MACF1: variants seen among roughly 807,000 people sequenced by gnomAD.
MACF1 encodes microtubule actin crosslinking factor 1.
A neutral mutation model predicts 854.8 loss-of-function variants in MACF1; 193 were observed. The observed-to-expected ratio is 0.23, with a 90% CI of 0.20 to 0.25. MACF1 has a LOEUF of 0.25. Among genes scored for constraint, MACF1 ranks in the 10% least tolerant of loss-of-function variants. The pLI is 1.00. For synonymous variants in MACF1, 3,185 were observed against 3,226.7 expected, an observed-to-expected ratio of 0.99 and a Z score of 0.44; for missense variants, 7,722 against 8,929.1, an observed-to-expected ratio of 0.86 and a Z score of 5.45.
At position 39,358,757 on chromosome 1, in the gene MACF1, A is replaced by G. The variant is rs1647815867; in HGVS notation, c.12004A>G (p.Ser4002Gly). 1.2e-6 allele frequency: 2 copies of G among 1,614,112 alleles called. No individual in the cohort carries two copies. Among genetic ancestry groups the G allele is most frequent in the Non-Finnish European group, 1.7e-6 (2 of 1,180,008 alleles). Reference sequence around the variant, plus strand: ...AGGCCAGTATCATCAATTCCAAAACAGTGCTGACAGCCTGCAGGCCTGGAT... The same window carrying G: ...AGGCCAGTATCATCAATTCCAAAACGGTGCTGACAGCCTGCAGGCCTGGAT... ...LLGQYHQFQN[S>G]ADSLQAWMQA... The change falls in exon 46 of 101, where the codon AGT (serine) becomes GGT (glycine). Residue 4002 changes from serine (S) to glycine (G), a missense_variant. Coordinates refer to ENST00000564288, the MANE Select transcript of MACF1 (RefSeq NM_001394062.1).
chr1:39,131,839 G>A (rs1643013894), intron 2 of MACF1, among the ~76,000 whole-genome samples: 2 of 152,144 alleles, frequency 1.3e-5, no homozygotes, highest in African/African-American at 4.8e-5. Context: ...TAGAGATGGG[G>A]TCTTGCAGTG....
intron 6 of MACF1, chr1:39,268,965 C>T (rs919797768): frequency 7.0e-6 from 9 of 1,286,244 alleles, no homozygotes; most frequent in Admixed American, 4.6e-5. Context: ...TATTTTGCTG[C>T]CTGGGGACTC....
In MACF1 at chr1:39,186,361, G is replaced by A. The variant is rs1032909660; in HGVS notation, c.221-44821G>A. Among the ~76,000 whole-genome samples, 4 of 150,696 alleles carry A rather than the reference G, an allele frequency of 2.7e-5. 1 individual carries two copies. The South Asian group carries it at 8.5e-4, about 32-fold the overall frequency. On this transcript the variant is annotated intron_variant, in intron 2 of 93. Coordinates refer to the MACF1 transcript ENST00000361689. Reference sequence around the variant, plus strand: ...GGCTCACTGCAACCACCAACTCCCTGGTTCAAATGATTCTCCTGCCTCAGC... The same window carrying A: ...GGCTCACTGCAACCACCAACTCCCTAGTTCAAATGATTCTCCTGCCTCAGC...
At chr1:39,126,265 C>T (rs142876138) in intron 2 of MACF1, among the ~76,000 whole-genome samples, 47 of 152,308 alleles carry the variant, frequency 3.1e-4, no homozygotes, top group Non-Finnish European at 6.3e-4. Flanking sequence ...CTGGTTGCCT[C>T]AGATGTTCCT....
chr1:39,167,060 C>G (rs1643889774), intron 2 of MACF1, among the ~76,000 whole-genome samples: 1 of 152,004 alleles, frequency 6.6e-6, no homozygotes, highest in Non-Finnish European at 1.5e-5. Context: ...GTCCTGGGCT[C>G]AAGTGATTCT....
rs760205296 is a variant in MACF1, at chr1:39,333,175, G to A, written c.6587G>A (p.Ser2196Asn). 5.0e-6 allele frequency: 8 copies of A among 1,612,066 alleles called. No homozygotes were observed. The South Asian group carries it at 8.8e-5, about 18-fold the overall frequency. The change falls in exon 37 of 101, where the codon AGC becomes AAC. Residue 2196 changes from serine to asparagine, a missense_variant. Physicochemically the swap from Ser to Asn is conservative, Grantham distance 46. This residue lies in a region of MACF1 where 1,531 missense variants were observed against 1,601.6 expected (regional missense o/e 0.96). Coordinates refer to ENST00000564288, the MANE Select transcript of MACF1 (RefSeq NM_001394062.1). Reference sequence around the variant, plus strand: ...GGAGGATCTCACATAAAACCCCAAAGCAAAAAGTTACAAGTTCAGGTAAAG... The same window carrying A: ...GGAGGATCTCACATAAAACCCCAAAACAAAAAGTTACAAGTTCAGGTAAAG... ...ETGGSHIKPQ[S>N]KKLQVQVKKT...
Position 39,444,677 on chromosome 1 carries a change from C to T in MACF1, c.19447C>T (p.Leu6483=), listed in dbSNP as rs1250374667. Residue 6483 remains leucine, a synonymous_variant, in exon 80 of 101, where the codon CTG becomes TTG. Transcript: ENST00000564288. ...LDTHMELYSQ[L]KAKEETYNQL... ...TTTCTTGTAGGAACTCTATTCCCAG[C>T]TGAAAGCCAAGGAAGAGACTTATAA... 6.2e-7 allele frequency: 1 copy of T among 1,611,436 alleles called. No individual in the cohort carries two copies. Among genetic ancestry groups the T allele is most frequent in the Middle Eastern group, 1.7e-4 (1 of 6,048 alleles).
Position 39,442,317 on chromosome 1 carries a change from A to G in MACF1, c.18945A>G (p.Arg6315=), listed in dbSNP as rs953873703. ...ACCTGGGTGAGAAAATTGCCCACCG[A>G]CAGGTAAGGCAGGTGGTAGATGACA... ...WENLGEKIAH[R]QHKLEGALLA... is the part of the protein sequence containing the mutation. Residue 6315 remains arginine, a synonymous_variant, in exon 76 of 101, where the codon CGA becomes CGG. Coordinates refer to ENST00000564288, the MANE Select transcript of MACF1 (RefSeq NM_001394062.1). 1.3e-6 allele frequency: 2 copies of G among 1,595,458 alleles called. No homozygotes were observed. Among genetic ancestry groups the G allele is most frequent in the Admixed American group, 1.8e-5 (1 of 55,064 alleles).
intron 70 of MACF1, among the ~76,000 whole-genome samples, chr1:39,436,236 T>C (rs1017712969): frequency 1.3e-5 from 2 of 152,232 alleles, no homozygotes; most frequent in Non-Finnish European, 2.9e-5. Context: ...ATTTAAAGCA[T>C]GTAACTACAT....
chr1:39,368,428 C>A, intron 50 of MACF1, 114 bp downstream of exon 50: 3 of 1,099,410 alleles, frequency 2.7e-6, no homozygotes, highest in Non-Finnish European at 3.9e-6. Context: ...TAAAATTCTA[C>A]TACTGAGTTG....
At chr1:39,199,198 G>C (rs1034172648) in intron 2 of MACF1, among the ~76,000 whole-genome samples, 5 of 151,860 alleles carry the variant, frequency 3.3e-5, no homozygotes, top group Non-Finnish European at 7.4e-5. Context: ...TGTTAGCCAG[G>C]ATGGTCTCGA....
chr1:39,479,990 C>A lies in MACF1; in HGVS notation c.22151C>A (p.Thr7384Asn), dbSNP rs544689336. Reference sequence around the variant, plus strand: ...ACATCCATGCCATCTTCTCCAGCCACCCCAGCCAGTGGAACCAAGGTATGT... The same window carrying A: ...ACATCCATGCCATCTTCTCCAGCCAACCCAGCCAGTGGAACCAAGGTATGT... ...SCTSMPSSPA[T>N]PASGTKTSLQ... Residue 7384 changes from threonine to asparagine, a missense_variant, in exon 98 of 101, where the codon ACC becomes AAC. Physicochemically the swap from Thr to Asn is moderately conservative, Grantham distance 65. Coordinates refer to ENST00000564288, the MANE Select transcript of MACF1 (RefSeq NM_001394062.1). 102 of 1,579,622 alleles carry A rather than the reference C, an allele frequency of 6.5e-5. No homozygotes were observed. In the South Asian group the frequency reaches 1.1e-3, roughly 17 times the overall value.
At chr1:39,341,627 A>G (rs552406533) in intron 40 of MACF1, among the ~76,000 whole-genome samples, 76 of 151,744 alleles carry the variant, frequency 5.0e-4, no homozygotes, top group African/African-American at 1.8e-3. Context: ...GAACCCAGGA[A>G]GCAGAGGTTG....
intron 1 of MACF1, among the ~76,000 whole-genome samples, chr1:39,224,543 C>A (rs1245821519): frequency 2.0e-5 from 3 of 152,056 alleles, no homozygotes; most frequent in South Asian, 2.1e-4. Flanking sequence ...GTGGGGAGAG[C>A]AATTTCAGTG....
intron 2 of MACF1, among the ~76,000 whole-genome samples, chr1:39,160,993 A>G (rs140044930): frequency 3.6e-4 from 55 of 152,268 alleles, no homozygotes; most frequent in African/African-American, 1.3e-3. Flanking sequence ...CTAGTGGGTA[A>G]CTGTTGAAGG....
At chr1:39,353,862 T>A (rs1647300367) in intron 44 of MACF1, among the ~76,000 whole-genome samples, 1 of 152,222 alleles carries the variant, frequency 6.6e-6, no homozygotes, top group Non-Finnish European at 1.5e-5. Flanking sequence ...TCAGCTATAC[T>A]TCTTCATCTT....
At chr1:39,145,488 G>T (rs578154037) in intron 2 of MACF1, among the ~76,000 whole-genome samples, 150 of 151,800 alleles carry the variant, frequency 9.9e-4, no homozygotes, top group Non-Finnish European at 1.9e-3. Flanking sequence ...ATTCCTTTAA[G>T]CTTATCTCTT....
chr1:39,105,805 G>A lies in MACF1; in HGVS notation c.220+21367G>A. ...GGTCGGCTCGGCGGCTGCAGGTGGG[G>A]CGGCCGGGCGGGGTCGCACCCACCG... is the stretch of plus-strand genomic sequence containing the variant. On this transcript the variant is annotated intron_variant, in intron 2 of 93. Transcript: ENST00000361689. This position sits in a 1 kb window ranked among gnomAD's most constrained non-coding sequence, Gnocchi z 5.9. 4 of 974,800 alleles carry A rather than the reference G, an allele frequency of 4.1e-6. No homozygotes were observed. The highest frequency in any genetic ancestry group is 4.9e-6 in the Non-Finnish European group (4 of 818,262). 60.4% of individuals were successfully genotyped at this position (974,800 alleles called of 1,614,324 possible).
chr1:39,248,084 C>G (rs1007897005), intron 2 of MACF1, among the ~76,000 whole-genome samples: 5 of 152,106 alleles, frequency 3.3e-5, no homozygotes, highest in Non-Finnish European at 7.4e-5. Flanking sequence ...ACCATCTTCC[C>G]CAGTTGTATA....
Sources: gnomAD v4.1 joint callset for allele counts (sites outside exome capture counted in the v4.1 genomes callset) on GRCh38, gnomAD v4.1.1 for gene constraint, gnomAD v4.1.1 regional missense constraint, Gnocchi (gnomAD v3.1) non-coding constraint, MANE v1.5 for transcripts, NCBI Gene and HGNC (gene_info 2026-07-23, HGNC 2026-07-21) for gene names.